Variants in KCNN3 observed in about 807,000 individuals in gnomAD.
The protein encoded by KCNN3 is small conductance calcium-activated potassium channel protein 3.
A neutral mutation model predicts 62.9 loss-of-function variants in KCNN3; 16 were observed. That is an observed-to-expected ratio of 0.25 (90% CI 0.17 to 0.39). The LOEUF (loss-of-function observed/expected upper bound fraction) is 0.39, where lower values mean the gene tolerates loss of function less well. Among genes scored for constraint, KCNN3 ranks in the 10% least tolerant of loss-of-function variants. KCNN3 has a pLI of 1.00. For missense variants in KCNN3, 599 were observed against 949.4 expected (o/e 0.63, Z 4.85); for synonymous variants, 370 against 389.2 (o/e 0.95, Z 0.58).
chr1:154,753,911 G>A (rs1557958172), intron 3 of KCNN3, among the ~76,000 whole-genome samples: 1 of 152,202 alleles, frequency 6.6e-6, no homozygotes, highest in Non-Finnish European at 1.5e-5. Context: ...TTATTTAATA[G>A]AGGGCAGGTG....
chr1:154,846,311 A>C lies in KCNN3; in HGVS notation c.933+22721T>G, dbSNP rs1285369926. Reference sequence around the variant, plus strand: ...AGCCCCAAATCCATGCTGCTATTGCAATCATCAATGGGCTTATTCTCCAAA... The same window carrying C: ...AGCCCCAAATCCATGCTGCTATTGCCATCATCAATGGGCTTATTCTCCAAA... On this transcript the variant is annotated intron_variant, in intron 1 of 7. Transcript: ENST00000271915. 2.0e-5 allele frequency among the ~76,000 whole-genome samples: 3 copies of C among 152,080 alleles called. No homozygotes were observed. The East Asian group carries it at 5.8e-4, about 29-fold the overall frequency.
intron 2 of KCNN3, among the ~76,000 whole-genome samples, chr1:154,774,671 C>T (rs1332072026): frequency 1.3e-5 from 2 of 152,232 alleles, no homozygotes; most frequent in Non-Finnish European, 2.9e-5. Flanking sequence ...AGCTCATCCA[C>T]GAACACATCC....
intron 3 of KCNN3, among the ~76,000 whole-genome samples, chr1:154,766,448 A>ATAT (rs1553232017): frequency 4.7e-5 from 6 of 128,896 alleles, no homozygotes; most frequent in Non-Finnish European, 5.0e-5. Context: ...ATATATGTAG[A>ATAT]AGTTCTGATC....
intron 1 of KCNN3, among the ~76,000 whole-genome samples, chr1:154,854,051 T>C (rs1158426705): frequency 1.3e-5 from 2 of 151,810 alleles, no homozygotes; most frequent in African/African-American, 4.8e-5. Context: ...CTGGCTAATA[T>C]GGTGAAACCC....
chr1:154,768,139 A>C (rs1337982710), intron 3 of KCNN3, among the ~76,000 whole-genome samples: 2 of 152,168 alleles, frequency 1.3e-5, no homozygotes, highest in African/African-American at 2.4e-5. Context: ...GCCTAAGGTG[A>C]TAGAATCATC....
At chr1:154,819,205 C>T (rs1320008875) in intron 2 of KCNN3, among the ~76,000 whole-genome samples, 2 of 152,166 alleles carry the variant, frequency 1.3e-5, no homozygotes, top group East Asian at 3.8e-4. Context: ...TCGCAGGAAG[C>T]AGGTTCCGCA....
At chr1:154,758,987 T>A (rs925756756) in intron 3 of KCNN3, among the ~76,000 whole-genome samples, 4 of 152,138 alleles carry the variant, frequency 2.6e-5, no homozygotes, top group African/African-American at 9.7e-5. Context: ...TTTGTATTTT[T>A]AATAGAGACA....
intron 1 of KCNN3, chr1:154,868,361 T>C: frequency 1.0e-6 from 1 of 988,006 alleles, no homozygotes; most frequent in African/African-American, 1.7e-5. Flanking sequence ...CACCTATATT[T>C]TTACCCCATG....
rs1313895412 is a variant in KCNN3, at chr1:154,706,788, T to G, written c.*1188A>C. 1 of 152,242 alleles carries G rather than the reference T, an allele frequency of 6.6e-6. No homozygotes were observed. Among genetic ancestry groups the G allele is most frequent in the African/African-American group, 2.4e-5 (1 of 41,458 alleles). 9.4% of individuals were successfully genotyped at this position (152,242 alleles called of 1,614,324 possible). ...GGCTCACAATTGAGGCACTTGGCCC[T>G]TTTGCACTACTAACATCTGGGGCTG... On this transcript the variant is annotated 3_prime_UTR_variant, in exon 8 of 8. Transcript: ENST00000271915.
chr1:154,727,472 C>T (rs1700495109), intron 4 of KCNN3, among the ~76,000 whole-genome samples: 1 of 152,218 alleles, frequency 6.6e-6, no homozygotes, highest in African/African-American at 2.4e-5. Context: ...ATCCCACAGG[C>T]TGACAAAGGC....
At position 154,796,224 on chromosome 1, in the gene KCNN3, T is replaced by C. The variant is rs150933602; in HGVS notation, c.1030-23831A>G. Among the ~76,000 whole-genome samples the C allele has an allele frequency of 2.1e-3, 323 of 152,262 alleles. 4 individuals carry two copies. Among genetic ancestry groups the C allele is most frequent in the African/African-American group, 7.4e-3 (308 of 41,544 alleles). ...CACTCAGCAGTGACGGAGAAAGAGC[T>C]CATAAATTCTTATTGCCAGGTCCAC... On this transcript the variant is annotated intron_variant, in intron 2 of 7. Coordinates refer to ENST00000271915, the MANE Select transcript of KCNN3 (RefSeq NM_002249.6).
chr1:154,731,468 A>G (rs946821123), intron 4 of KCNN3, among the ~76,000 whole-genome samples: 1 of 152,168 alleles, frequency 6.6e-6, no homozygotes, highest in African/African-American at 2.4e-5. Flanking sequence ...TGACTGCCCC[A>G]AGCCTGGGTC....
In KCNN3 at chr1:154,772,758, T is replaced by C. The variant is rs11264259; in HGVS notation, c.1030-365A>G. On this transcript the variant is annotated intron_variant, in intron 2 of 7. Coordinates refer to ENST00000271915, the MANE Select transcript of KCNN3 (RefSeq NM_002249.6). This position sits in a 1 kb window ranked among gnomAD's most constrained non-coding sequence, Gnocchi z 5.6. The stretch of plus-strand genomic sequence containing the variant: ...AATTTCCAAAGTGATAAGTGTCATT[T>C]GTATGCTAATGAGATGACTAGTGGC... Among the ~76,000 whole-genome samples the C allele has an allele frequency of 3.0e-4, 46 of 152,284 alleles. No homozygotes were observed. Among genetic ancestry groups the C allele is most frequent in the African/African-American group, 1.1e-3 (46 of 41,560 alleles).
intron 1 of KCNN3, among the ~76,000 whole-genome samples, 186 bp downstream of exon 1, chr1:154,868,846 C>A (rs561168229): frequency 1.3e-5 from 2 of 151,788 alleles, no homozygotes; most frequent in Non-Finnish European, 1.5e-5. Context: ...ACTGAGCAAG[C>A]GCCTCTCACC....
At chr1:154,854,970 C>A (rs546770717) in intron 1 of KCNN3, among the ~76,000 whole-genome samples, 20 of 152,282 alleles carry the variant, frequency 1.3e-4, no homozygotes, top group Admixed American at 9.1e-4. Flanking sequence ...GTCATCCCAG[C>A]ACTTTGAGAG....
intron 3 of KCNN3, among the ~76,000 whole-genome samples, chr1:154,766,684 G>GTTT (rs538280656): frequency 0.014 from 1,907 of 135,346 alleles, 25 homozygotes; most frequent in Non-Finnish European, 0.025. Context: ...TTTGGGGTTT[G>GTTT]TTTTTTTTTT....
intron 3 of KCNN3, among the ~76,000 whole-genome samples, chr1:154,757,707 G>C (rs1420163515): frequency 6.6e-6 from 1 of 152,122 alleles, no homozygotes; most frequent in Non-Finnish European, 1.5e-5. Context: ...TGGGGCCTTC[G>C]CTTCATGAGG....
At chr1:154,797,326 A>C (rs978033551) in intron 2 of KCNN3, among the ~76,000 whole-genome samples, 3 of 151,976 alleles carry the variant, frequency 2.0e-5, no homozygotes, top group Non-Finnish European at 4.4e-5. Flanking sequence ...TCGAATTCTG[A>C]CTCCTCCACT....
At chr1:154,770,927 CAT>C (rs1648523723) in intron 3 of KCNN3, among the ~76,000 whole-genome samples, 1 of 152,052 alleles carries the variant, frequency 6.6e-6, no homozygotes, top group Non-Finnish European at 1.5e-5. Flanking sequence ...TATGGTGGCG[CAT>C]GCCTGTAATC....
Sources: gnomAD v4.1 joint callset for allele counts (sites outside exome capture counted in the v4.1 genomes callset) on GRCh38, gnomAD v4.1.1 for gene constraint, Gnocchi (gnomAD v3.1) non-coding constraint, MANE v1.5 for transcripts, NCBI Gene and HGNC (gene_info 2026-07-23, HGNC 2026-07-21) for gene names.